Variants in NOL11 observed in about 807,000 individuals in gnomAD.
NOL11 encodes nucleolar protein 11.
A neutral mutation model predicts 93.0 loss-of-function variants in NOL11; 42 were observed. That is an observed-to-expected ratio of 0.45 (90% CI 0.35 to 0.58). The LOEUF is 0.58. Ranked by LOEUF, NOL11 falls within the 20% of genes least tolerant of loss-of-function variation. The pLI is 0.00. For synonymous variants in NOL11, 296 were observed against 293.7 expected, an observed-to-expected ratio of 1.01 and a Z score of -0.08; for missense variants, 775 against 841.8, an observed-to-expected ratio of 0.92 and a Z score of 0.98.
rs750192619 is a variant in NOL11, at chr17:67,721,377, G to T, written c.313-1G>T. 6.6e-7 allele frequency: 1 copy of T among 1,521,664 alleles called. No individual in the cohort carries two copies. The highest frequency in any genetic ancestry group is 8.8e-7 in the Non-Finnish European group (1 of 1,138,306). The allele number at this position is 1,521,664 out of a possible 1,614,324, so 94.3% of individuals were successfully genotyped here. ...AATTAAAATTTTTTATGTTCTTCCA[G>T]TTGTCAGCAGAAGTATATAGGATAC... is the stretch of plus-strand genomic sequence containing the variant. On this transcript the variant is annotated splice_acceptor_variant, in intron 3 of 17. Coordinates refer to ENST00000253247, the MANE Select transcript of NOL11 (RefSeq NM_015462.5). LOFTEE classifies it high-confidence loss of function.
intron 9 of NOL11, 77 bp from the exon 10 acceptor site, chr17:67,736,589 A>T: frequency 2.3e-6 from 2 of 882,748 alleles, no homozygotes; most frequent in Non-Finnish European, 1.8e-6. Context: ...GTTTTTTTTA[A>T]ATTGTTCTTT....
chr17:67,718,479 A>T (rs1176875236), intron 1 of NOL11, among the ~76,000 whole-genome samples: 5 of 152,078 alleles, frequency 3.3e-5, no homozygotes, highest in Non-Finnish European at 7.4e-5. Flanking sequence ...GAGTGGGAAT[A>T]GTGGTTTAGC....
At chr17:67,738,383 G>A (rs1238944752) in intron 14 of NOL11, 28 bp downstream of exon 14, 13 of 1,474,202 alleles carry the variant, frequency 8.8e-6, no homozygotes, top group Non-Finnish European at 1.2e-5. Flanking sequence ...GCATCCCTCT[G>A]TTTCTCTTTA....
At chr17:67,739,440 A>T in intron 15 of NOL11, 76 bp from the exon 16 acceptor site, 2 of 836,310 alleles carry the variant, frequency 2.4e-6, no homozygotes, top group Non-Finnish European at 3.8e-6. Context: ...CATTTTTTTC[A>T]ATCTTCGTGA....
At position 67,721,410 on chromosome 17, in the gene NOL11, G is replaced by A; in HGVS notation, c.345G>A (p.Val115=). The A allele has an allele frequency of 6.2e-7, 1 of 1,609,182 alleles. No individual in the cohort carries two copies. Among genetic ancestry groups the A allele is most frequent in the South Asian group, 1.1e-5 (1 of 89,848 alleles). The stretch of plus-strand genomic sequence containing the variant: ...CAGAAGTATATAGGATACTTTCAGT[G>A]CAAGGGACAGAACCCTTGGTGCTCT... The part of the protein sequence containing the change: ...LSAEVYRILS[V]QGTEPLVLFK... The change falls in exon 4 of 18, where the codon GTG becomes GTA. Residue 115 remains valine (V), a synonymous_variant. Coordinates refer to ENST00000253247, the MANE Select transcript of NOL11 (RefSeq NM_015462.5).
At chr17:67,742,523 A>G (rs1471521083) in intron 16 of NOL11, among the ~76,000 whole-genome samples, 1 of 152,184 alleles carries the variant, frequency 6.6e-6, no homozygotes. Context: ...TATTAAAATT[A>G]AAGTTTTCCT....
chr17:67,726,389 C>T (rs1409645097), intron 6 of NOL11, 71 bp from the exon 7 acceptor site: 1 of 1,271,860 alleles, frequency 7.9e-7, no homozygotes, highest in Admixed American at 2.8e-5. Flanking sequence ...TATAAACAAC[C>T]TAGTACATTT....
chr17:67,724,343 T>A, intron 6 of NOL11, 150 bp downstream of exon 6: 1 of 471,978 alleles, frequency 2.1e-6, no homozygotes, highest in Non-Finnish European at 3.7e-6. Flanking sequence ...TTTTTTTTTT[T>A]TTTTTTTTGA....
At chr17:67,736,972 A>G (rs1599046382) in intron 10 of NOL11, 99 bp from the exon 11 acceptor site, 1 of 849,160 alleles carries the variant, frequency 1.2e-6, no homozygotes, top group South Asian at 1.5e-5. Context: ...TGATGAGAGC[A>G]AAAGTGTGCT....
rs1304510966 is a variant in NOL11, at chr17:67,739,017, G to A, written c.1842+7G>A. 11 of 1,585,684 alleles carry A rather than the reference G, an allele frequency of 6.9e-6. No homozygotes were observed. Among genetic ancestry groups the A allele is most frequent in the African/African-American group, 1.3e-5 (1 of 74,292 alleles). On this transcript the variant is annotated splice_region_variant and intron_variant, in intron 15 of 17. Transcript: ENST00000253247. Reference sequence around the variant, plus strand: ...CCCAGCACAGCATATCACGGTAAGTGTTCATACAAGTTGTATAGAATTTTA... The same window carrying A: ...CCCAGCACAGCATATCACGGTAAGTATTCATACAAGTTGTATAGAATTTTA...
chr17:67,720,457 A>G (rs1231609883), intron 3 of NOL11: 3 of 152,372 alleles, frequency 2.0e-5, no homozygotes, highest in Admixed American at 6.6e-5. Flanking sequence ...ATGCACCACC[A>G]TGTCCAGCTA....
At chr17:67,722,862 T>C (rs1466477760) in intron 5 of NOL11, among the ~76,000 whole-genome samples, 6 of 152,084 alleles carry the variant, frequency 3.9e-5, no homozygotes, top group Non-Finnish European at 8.8e-5. Context: ...GGCTTATGTT[T>C]TATTTTTTGT....
At chr17:67,719,497 G>A (rs1184670349) in intron 1 of NOL11, 177 bp from the exon 2 acceptor site, 2 of 432,746 alleles carry the variant, frequency 4.6e-6, no homozygotes, top group African/African-American at 4.1e-5. Flanking sequence ...CTGACCTCGT[G>A]ATTTGCCCAC....
intron 7 of NOL11, among the ~76,000 whole-genome samples, chr17:67,730,161 G>A (rs905424261): frequency 3.3e-5 from 5 of 152,102 alleles, no homozygotes; most frequent in Non-Finnish European, 7.3e-5. Flanking sequence ...TCCATTCATG[G>A]ATATTTTAGC....
In NOL11 at chr17:67,721,359, A is replaced by C; in HGVS notation, c.313-19A>C. Reference sequence around the variant, plus strand: ...AAATTGTTTTAGAATAAAAATTAAAATTTTTTATGTTCTTCCAGTTGTCAG... The same window carrying C: ...AAATTGTTTTAGAATAAAAATTAAACTTTTTTATGTTCTTCCAGTTGTCAG... On this transcript the variant is annotated intron_variant, in intron 3 of 17. Transcript: ENST00000253247. 1 of 1,491,570 alleles carries C rather than the reference A, an allele frequency of 6.7e-7. No individual in the cohort carries two copies. Among genetic ancestry groups the C allele is most frequent in the Non-Finnish European group, 8.9e-7 (1 of 1,118,108 alleles). The allele number at this position is 1,491,570 out of a possible 1,614,324, so 92.4% of individuals were successfully genotyped here.
intron 7 of NOL11, among the ~76,000 whole-genome samples, chr17:67,731,947 T>C (rs2055157728): frequency 6.6e-6 from 1 of 152,216 alleles, no homozygotes; most frequent in East Asian, 1.9e-4. Context: ...TTTTGCTGTT[T>C]AGGCCCCTTA....
chr17:67,736,645 G>T, intron 9 of NOL11, 21 bp from the exon 10 acceptor site: 1 of 1,504,330 alleles, frequency 6.6e-7, no homozygotes. Context: ...TCCAGAAATT[G>T]TGCATTTTGC....
chr17:67,733,872 C>T (rs1440690004), intron 7 of NOL11, among the ~76,000 whole-genome samples: 2 of 152,172 alleles, frequency 1.3e-5, no homozygotes, highest in East Asian at 3.9e-4. Context: ...CTTAATATTT[C>T]CCGTTGGATT....
rs370125977 is a variant in NOL11, at chr17:67,739,424, A to ATTTT, written c.1843-90_1843-89insTTTT. The ATTTT allele has an allele frequency of 6.7e-3, 4,824 of 724,838 alleles. 27 individuals carry two copies. The highest frequency in any genetic ancestry group is 0.023 in the Middle Eastern group (61 of 2,640). 44.9% of individuals were successfully genotyped at this position (724,838 alleles called of 1,614,324 possible). A position where few individuals can be genotyped will look rare whatever the true frequency, so the allele number is the denominator to read the frequency against. On this transcript the variant is annotated intron_variant, in intron 15 of 17. Transcript: ENST00000253247. Reference sequence around the variant, plus strand: ...TCTGGCGTATTTGTTTGATGTATAAATTGAACATTTTTTTCAATCTTCGTG... The same window carrying ATTTT: ...TCTGGCGTATTTGTTTGATGTATAAATTTTTTGAACATTTTTTTCAATCTTCGTG...
Sources: allele counts gnomAD v4.1 joint callset (sites outside exome capture counted in the v4.1 genomes callset), GRCh38; gene constraint gnomAD v4.1.1; transcripts MANE v1.5; gene names NCBI Gene and HGNC (gene_info 2026-07-23, HGNC 2026-07-21).